Variants in TMEM179 observed in about 807,000 individuals in gnomAD.
TMEM179 encodes transmembrane protein 179.
TMEM179 carries 17 observed loss-of-function variants against 22.2 expected under a neutral mutation model. The ratio of observed to expected loss-of-function variants is 0.77; its 90% CI spans 0.52 to 1.15. The LOEUF is 1.15. Ranked by LOEUF, TMEM179 falls within the 50% of genes most tolerant of loss-of-function variation. The pLI is 0.00. For missense variants in TMEM179, 265 were observed against 313.6 expected (o/e 0.84, Z 1.17); for synonymous variants, 127 against 140.5 (o/e 0.90, Z 0.68).
rs1215166695 is a variant in TMEM179, at chr14:104,604,098, G to A, written c.305+339C>T. On this transcript the variant is annotated intron_variant, in intron 1 of 3. Transcript: ENST00000556573. This position sits in a 1 kb window ranked among gnomAD's most constrained non-coding sequence, Gnocchi z 4.6. ...GGAGTTGTCGCCGGTCCTGGCGAGT[G>A]TGGCCCGGCTGAGCCCGCCCAGGAA... is the stretch of plus-strand genomic sequence containing the variant. Among the ~76,000 whole-genome samples the A allele has an allele frequency of 6.6e-6, 1 of 152,244 alleles. No homozygotes were observed. Among genetic ancestry groups the A allele is most frequent in the African/African-American group, 2.4e-5 (1 of 41,474 alleles).
chr14:104,596,374 T>C (rs1887022802), intron 2 of TMEM179, among the ~76,000 whole-genome samples: 2 of 152,130 alleles, frequency 1.3e-5, no homozygotes, highest in African/African-American at 4.8e-5. Context: ...ACAAGCCAGA[T>C]GATGCCCCTG....
chr14:104,593,321 T>C lies in TMEM179; in HGVS notation c.*158A>G. The C allele has an allele frequency of 8.2e-6, 7 of 849,066 alleles. No individual in the cohort carries two copies. The South Asian group carries it at 1.0e-4, about 12-fold the overall frequency. The allele number at this position is 849,066 out of a possible 1,614,324, so 52.6% of individuals were successfully genotyped here. ...CACTGCCAGGCTCACAGGTGGGCACTGGGGCGCTCACCTCACTACACGTGG... is the reference window on the plus strand; with the variant it reads ...CACTGCCAGGCTCACAGGTGGGCACCGGGGCGCTCACCTCACTACACGTGG... On this transcript the variant is annotated 3_prime_UTR_variant, in exon 4 of 4. Coordinates refer to ENST00000556573, the MANE Select transcript of TMEM179 (RefSeq NM_001286389.2).
At chr14:104,599,544 A>G (rs977929330) in intron 1 of TMEM179, among the ~76,000 whole-genome samples, 3 of 152,146 alleles carry the variant, frequency 2.0e-5, no homozygotes, top group Admixed American at 6.5e-5. Flanking sequence ...GACCCTGAGG[A>G]CACAGTTCTG....
chr14:104,600,704 C>G (rs74712070), intron 1 of TMEM179, among the ~76,000 whole-genome samples: 7,669 of 152,246 alleles, frequency 0.05, 644 homozygotes, highest in African/African-American at 0.17. Flanking sequence ...AAGCTACCCC[C>G]AGACTAATTT....
Position 104,604,522 on chromosome 14 carries a change from T to A in TMEM179, c.220A>T (p.Ser74Cys), listed in dbSNP as rs749351337. The change falls in exon 1 of 4, where the codon AGC becomes TGC. Residue 74 changes from serine (S) to cysteine (C), a missense_variant. By Grantham distance (112) the Ser-to-Cys change is moderately radical. Transcript: ENST00000556573. The surrounding 1 kb of genome is among the most constrained non-coding windows in gnomAD (Gnocchi z 4.6). ...EWGPPAACRF[S>C]LLASLLSLLL... ...AGAGACAGGAGGCTGGCGAGCAGGC[T>A]GAAGCGGCAGGCGGCCGGCGGGCCC... The A allele has an allele frequency of 1.9e-6, 3 of 1,560,574 alleles. No homozygotes were observed. Among genetic ancestry groups the A allele is most frequent in the African/African-American group, 2.8e-5 (2 of 71,738 alleles).
rs913051538 is a variant in TMEM179, at chr14:104,597,347, G to A, written c.306-220C>T. 4.7e-5 allele frequency among the ~76,000 whole-genome samples: 7 copies of A among 150,364 alleles called. No homozygotes were observed. Among genetic ancestry groups the A allele is most frequent in the East Asian group, 1.9e-4 (1 of 5,166 alleles). The stretch of plus-strand genomic sequence containing the variant: ...TGCCTGCGGTCCCTCGGGCAGCTCC[G>A]TGTGCCCACCCTGGGCTGCAGGTCA... On this transcript the variant is annotated intron_variant, in intron 1 of 3. Transcript: ENST00000556573. The surrounding 1 kb of genome is among the most constrained non-coding windows in gnomAD (Gnocchi z 4.8).
chr14:104,593,231 G>C lies in TMEM179; in HGVS notation c.*248C>G. ...TGTGCGAGGCCTGGAGGTGCCCCCC[G>C]CCCCCGCCCCACACCCATAGTCTCT... On this transcript the variant is annotated 3_prime_UTR_variant, in exon 4 of 4. Transcript: ENST00000556573. 1.8e-6 allele frequency: 1 copy of C among 542,934 alleles called. No homozygotes were observed. The highest frequency in any genetic ancestry group is 3.2e-6 in the Non-Finnish European group (1 of 309,510). The allele number at this position is 542,934 out of a possible 1,614,324, so 33.6% of individuals were successfully genotyped here.
In TMEM179 at chr14:104,604,291, T is replaced by C; in HGVS notation, c.305+146A>G. The stretch of plus-strand genomic sequence containing the variant: ...GTGTGTAGACAAAGGGCGGTCTGAG[T>C]GGAGGGGGTGAGGGCGGATTGTTGA... On this transcript the variant is annotated intron_variant, in intron 1 of 3. Transcript: ENST00000556573. The surrounding 1 kb of genome is among the most constrained non-coding windows in gnomAD (Gnocchi z 4.6). 1.2e-6 allele frequency: 1 copy of C among 860,644 alleles called. No individual in the cohort carries two copies. The highest frequency in any genetic ancestry group is 1.7e-6 in the Non-Finnish European group (1 of 598,142). The allele number at this position is 860,644 out of a possible 1,614,324, so 53.3% of individuals were successfully genotyped here. A position where few individuals can be genotyped will look rare whatever the true frequency, so the allele number is the denominator to read the frequency against.
In TMEM179 at chr14:104,591,805, C is replaced by G. The variant is rs907058036; in HGVS notation, c.*1674G>C. ...GCTCGCCTCTCCCCGGGAAGGTGGG[C>G]GCAGCAGCAGGGAGCACTTGGCAGC... On this transcript the variant is annotated 3_prime_UTR_variant, in exon 4 of 4. Coordinates refer to ENST00000556573, the MANE Select transcript of TMEM179 (RefSeq NM_001286389.2). 4.9e-6 allele frequency: 1 copy of G among 204,756 alleles called. No individual in the cohort carries two copies. The highest frequency in any genetic ancestry group is 5.3e-5 in the Admixed American group (1 of 18,702). 12.7% of individuals were successfully genotyped at this position (204,756 alleles called of 1,614,324 possible).
At chr14:104,594,164 A>G in intron 3 of TMEM179, 1 of 1,232,240 alleles carries the variant, frequency 8.1e-7, no homozygotes, top group Non-Finnish European at 1.0e-6. Context: ...CGTATTTGCC[A>G]TCAGACTGCA....
intron 1 of TMEM179, among the ~76,000 whole-genome samples, chr14:104,603,275 G>A (rs750159986): frequency 2.0e-5 from 3 of 152,158 alleles, no homozygotes; most frequent in East Asian, 1.9e-4. Context: ...CACAGCGGGG[G>A]CAACAGGAGG....
chr14:104,598,132 C>A (rs1482984171), intron 1 of TMEM179, among the ~76,000 whole-genome samples: 4 of 152,224 alleles, frequency 2.6e-5, no homozygotes, highest in Non-Finnish European at 5.9e-5. Context: ...TCCATCATCT[C>A]TGAATTGCTC....
chr14:104,593,670 G>GCAGGGT lies in TMEM179; in HGVS notation c.523-18_523-13dup. The GCAGGGT allele has an allele frequency of 6.8e-7, 1 of 1,460,434 alleles. No homozygotes were observed. The highest frequency in any genetic ancestry group is 2.5e-5 in the East Asian group (1 of 40,154). 90.5% of individuals were successfully genotyped at this position (1,460,434 alleles called of 1,614,324 possible). On this transcript the variant is annotated splice_polypyrimidine_tract_variant and intron_variant, in intron 3 of 3. Coordinates refer to ENST00000556573, the MANE Select transcript of TMEM179 (RefSeq NM_001286389.2). ...GCCCAGAGGCCAAACTGCACAGAGG[G>GCAGGGT]CAGGGTCAGGGTCAGAAGCCGTTGG... is the stretch of plus-strand genomic sequence containing the variant.
chr14:104,604,608 C>T lies in TMEM179; in HGVS notation c.134G>A (p.Gly45Asp), dbSNP rs1887360054. The T allele has an allele frequency of 6.4e-7, 1 of 1,563,982 alleles. No homozygotes were observed. Among genetic ancestry groups the T allele is most frequent in the Non-Finnish European group, 8.6e-7 (1 of 1,158,464 alleles). ...FRGRCLLFTE[G>D]MWLSANLTVQ... Reference sequence around the variant, plus strand: ...CGTGAGGTTGGCGCTCAGCCACATGCCCTCGGTGAAGAGCAGGCAGCGGCC... The same window carrying T: ...CGTGAGGTTGGCGCTCAGCCACATGTCCTCGGTGAAGAGCAGGCAGCGGCC... The change falls in exon 1 of 4, where the codon GGC (glycine) becomes GAC (aspartate). Residue 45 changes from glycine to aspartate, a missense_variant. Physicochemically the swap from Gly to Asp is moderately conservative, Grantham distance 94. Coordinates refer to ENST00000556573, the MANE Select transcript of TMEM179 (RefSeq NM_001286389.2). The surrounding 1 kb of genome is among the most constrained non-coding windows in gnomAD (Gnocchi z 4.6).
At chr14:104,593,786 G>C in intron 3 of TMEM179, 128 bp from the exon 4 acceptor site, 1 of 1,120,814 alleles carries the variant, frequency 8.9e-7, no homozygotes, top group Non-Finnish European at 1.2e-6. Flanking sequence ...GGAGGCCGGG[G>C]ACATGGGGCA....
chr14:104,604,770 AAGGCCGCGGGAGGCTGCGCCGGGCGGGG>A (rs546419481), exon 1 of TMEM179: 4,945 of 1,473,408 alleles, frequency 3.4e-3, 132 homozygotes, highest in African/African-American at 0.065. The surrounding 1 kb of genome is among the most constrained non-coding windows in gnomAD (Gnocchi z 4.6). Flanking sequence ...CGGCGGCGGG[AAGGCCGCGGGAGGCTGCGCCGGGCGGGG>A]AGGCCGCGGG....
rs1402445273 is a variant in TMEM179, at chr14:104,604,310, T to C, written c.305+127A>G. 1.9e-6 allele frequency: 2 copies of C among 1,037,610 alleles called. No individual in the cohort carries two copies. The highest frequency in any genetic ancestry group is 3.5e-5 in the South Asian group (2 of 57,042). The allele number at this position is 1,037,610 out of a possible 1,614,324, so 64.3% of individuals were successfully genotyped here. Reference sequence around the variant, plus strand: ...TCTGAGTGGAGGGGGTGAGGGCGGATTGTTGACATTTGCGGGCCTCGGAGC... The same window carrying C: ...TCTGAGTGGAGGGGGTGAGGGCGGACTGTTGACATTTGCGGGCCTCGGAGC... On this transcript the variant is annotated intron_variant, in intron 1 of 3. Transcript: ENST00000556573. The surrounding 1 kb of genome is among the most constrained non-coding windows in gnomAD (Gnocchi z 4.6).
In TMEM179 at chr14:104,604,322, G is replaced by T; in HGVS notation, c.305+115C>A. 1 of 1,174,060 alleles carries T rather than the reference G, an allele frequency of 8.5e-7. No individual in the cohort carries two copies. The highest frequency in any genetic ancestry group is 1.1e-6 in the Non-Finnish European group (1 of 878,076). 72.7% of individuals were successfully genotyped at this position (1,174,060 alleles called of 1,614,324 possible). On this transcript the variant is annotated intron_variant, in intron 1 of 3. Transcript: ENST00000556573. The surrounding 1 kb of genome is among the most constrained non-coding windows in gnomAD (Gnocchi z 4.6). ...GGGTGAGGGCGGATTGTTGACATTT[G>T]CGGGCCTCGGAGCTGCCTGAGAGAC...
rs1292537132 is a variant in TMEM179 at position 104,594,452 on chromosome 14, AC to A, written c.522+712del. 49 of 1,231,184 alleles carry A rather than the reference AC, an allele frequency of 4.0e-5. No individual in the cohort carries two copies. The East Asian group carries it at 1.5e-3, about 39-fold the overall frequency. The allele number at this position is 1,231,184 out of a possible 1,614,324, so 76.3% of individuals were successfully genotyped here. On this transcript the variant is annotated intron_variant, in intron 3 of 3. Coordinates refer to ENST00000556573, the MANE Select transcript of TMEM179 (RefSeq NM_001286389.2). ...AGGAGCCAGGTGTCTGGTCTCAGCC[AC>A]CCCCACCCGGCACCCCTCATCTGCC...
Sources: allele counts gnomAD v4.1 joint callset (sites outside exome capture counted in the v4.1 genomes callset), GRCh38; gene constraint gnomAD v4.1.1; non-coding constraint Gnocchi (gnomAD v3.1); transcripts MANE v1.5; gene names NCBI Gene and HGNC (gene_info 2026-07-23, HGNC 2026-07-21).